GFRAL: variants seen among roughly 807,000 people sequenced by gnomAD.
GFRAL encodes the protein GDNF family receptor alpha like.
A neutral mutation model predicts 45.4 loss-of-function variants in GFRAL; 36 were observed. That is an observed-to-expected ratio of 0.79 (90% CI 0.61 to 1.05). The LOEUF is 1.05. GFRAL is among the 50% of genes least tolerant of loss of function. The pLI, the probability that GFRAL is intolerant of heterozygous loss-of-function variation, is 0.00. For synonymous variants in GFRAL, 166 were observed against 154.1 expected, an observed-to-expected ratio of 1.08 and a Z score of -0.57; for missense variants, 507 against 467.5, an observed-to-expected ratio of 1.08 and a Z score of -0.78.
chr6:55,369,166 C>T (rs140084900), intron 6 of GFRAL, among the ~76,000 whole-genome samples: 27,403 of 149,648 alleles, frequency 0.18, 2,956 homozygotes, highest in African/African-American at 0.29. Flanking sequence ...TTAAGCCCGT[C>T]GGAAAAGCGC....
Position 55,402,232 on chromosome 6 carries a change from G to A in GFRAL, c.*379G>A, listed in dbSNP as rs1398484046. 7 of 159,984 alleles carry A rather than the reference G, an allele frequency of 4.4e-5. No homozygotes were observed. Among genetic ancestry groups the A allele is most frequent in the African/African-American group, 9.8e-5 (4 of 40,636 alleles). 9.9% of individuals were successfully genotyped at this position (159,984 alleles called of 1,614,324 possible). A position where few individuals can be genotyped will look rare whatever the true frequency, so the allele number is the denominator to read the frequency against. ...TGACCTCAGGTGATCCACCCACCTC[G>A]GCCTCCCAAAGTGCTGGGATTACAG... On this transcript the variant is annotated 3_prime_UTR_variant, in exon 9 of 9. Coordinates refer to ENST00000340465, the MANE Select transcript of GFRAL (RefSeq NM_207410.2).
intron 3 of GFRAL, among the ~76,000 whole-genome samples, chr6:55,345,926 T>A (rs532229171): frequency 0.013 from 1,980 of 152,142 alleles, 23 homozygotes; most frequent in Non-Finnish European, 0.022. Context: ...TGCAGCCAAC[T>A]GACACATGAA....
intron 6 of GFRAL, among the ~76,000 whole-genome samples, chr6:55,373,743 T>C (rs1398474377): frequency 6.9e-6 from 1 of 144,428 alleles, no homozygotes; most frequent in Non-Finnish European, 1.5e-5. Flanking sequence ...CTTTGTTTTC[T>C]TCAACTTTTT....
At chr6:55,367,575 G>A (rs1468738724) in intron 6 of GFRAL, among the ~76,000 whole-genome samples, 1 of 151,322 alleles carries the variant, frequency 6.6e-6, no homozygotes, top group Non-Finnish European at 1.5e-5. Flanking sequence ...TGCAGCAGCT[G>A]GTACCGGTTG....
chr6:55,334,715 C>T (rs529621841), intron 3 of GFRAL, among the ~76,000 whole-genome samples: 1 of 152,216 alleles, frequency 6.6e-6, no homozygotes, highest in African/African-American at 2.4e-5. Flanking sequence ...TTCAACCATC[C>T]GTTGTGGGCT....
chr6:55,366,205 T>C (rs185311984), intron 6 of GFRAL, among the ~76,000 whole-genome samples: 16,950 of 151,656 alleles, frequency 0.11, 1,038 homozygotes, highest in African/African-American at 0.16. Flanking sequence ...CCATTTCTTC[T>C]AGATTTTCTA....
intron 6 of GFRAL, among the ~76,000 whole-genome samples, chr6:55,371,048 A>G (rs1489681520): frequency 6.6e-6 from 1 of 152,182 alleles, no homozygotes; most frequent in East Asian, 1.9e-4. Flanking sequence ...TCTATTTTCT[A>G]AAAAGTGATA....
chr6:55,365,876 A>G (rs1056618995), intron 6 of GFRAL, among the ~76,000 whole-genome samples: 2 of 146,872 alleles, frequency 1.4e-5, no homozygotes, highest in Non-Finnish European at 1.5e-5. Flanking sequence ...ATCAATGTTC[A>G]TCAAGGATAT....
intron 6 of GFRAL, among the ~76,000 whole-genome samples, chr6:55,376,066 A>G (rs886101684): frequency 8.3e-4 from 126 of 152,260 alleles, no homozygotes; most frequent in African/African-American, 3.0e-3. Flanking sequence ...TTTTAACATG[A>G]AGCGATGTTG....
chr6:55,355,300 C>T (rs557001671), intron 5 of GFRAL, among the ~76,000 whole-genome samples: 56 of 151,802 alleles, frequency 3.7e-4, no homozygotes, highest in African/African-American at 1.2e-3. Context: ...TCATGCGTAC[C>T]TATGTAATAA....
At chr6:55,331,050 TAG>T (rs1213270902) in intron 1 of GFRAL, among the ~76,000 whole-genome samples, 1 of 152,098 alleles carries the variant, frequency 6.6e-6, no homozygotes, top group Non-Finnish European at 1.5e-5. Flanking sequence ...AACATTCAAG[TAG>T]AGATAACAAT....
chr6:55,401,874 TA>T lies in GFRAL; in HGVS notation c.*22del, dbSNP rs1561870455. On this transcript the variant is annotated 3_prime_UTR_variant, in exon 9 of 9. Transcript: ENST00000340465. ...TCTGATTCATTAGGAGTCATGGACCTATAACAATCACTCTTTTCTCTGCTTT... is the reference window on the plus strand; with the variant it reads ...TCTGATTCATTAGGAGTCATGGACCTTAACAATCACTCTTTTCTCTGCTTT... The T allele has an allele frequency of 7.8e-7, 1 of 1,281,824 alleles. No homozygotes were observed. The highest frequency in any genetic ancestry group is 1.2e-5 in the South Asian group (1 of 83,288). 79.4% of individuals were successfully genotyped at this position (1,281,824 alleles called of 1,614,324 possible). A position where few individuals can be genotyped will look rare whatever the true frequency, so the allele number is the denominator to read the frequency against.
At chr6:55,369,710 T>C (rs1444656059) in intron 6 of GFRAL, among the ~76,000 whole-genome samples, 1 of 151,970 alleles carries the variant, frequency 6.6e-6, no homozygotes. Flanking sequence ...AAAAACAGTT[T>C]GTTTCTGTTA....
In GFRAL at chr6:55,364,678, C is replaced by A. The variant is rs1383696645; in HGVS notation, c.952+5540C>A. On this transcript the variant is annotated intron_variant, in intron 6 of 8. Transcript: ENST00000340465. ...ATATGGCTAGCCAGTTTTCCCAGCACCATTTAATAAATAGGGAATCCTTTC... is the reference window on the plus strand; with the variant it reads ...ATATGGCTAGCCAGTTTTCCCAGCAACATTTAATAAATAGGGAATCCTTTC... Among the ~76,000 whole-genome samples the A allele has an allele frequency of 2.0e-5, 3 of 151,388 alleles. No homozygotes were observed. In the South Asian group the frequency reaches 6.2e-4, roughly 31 times the overall value.
chr6:55,395,558 G>T (rs16886684), intron 6 of GFRAL, among the ~76,000 whole-genome samples: 28,245 of 150,982 alleles, frequency 0.19, 4,266 homozygotes, highest in African/African-American at 0.42. Context: ...TCTTCTAAAT[G>T]TTGCTTTAAT....
At chr6:55,337,073 C>T (rs1314658581) in intron 3 of GFRAL, among the ~76,000 whole-genome samples, 1 of 151,976 alleles carries the variant, frequency 6.6e-6, no homozygotes, top group Non-Finnish European at 1.5e-5. Flanking sequence ...ACTATAGTCT[C>T]CCTACTGTAC....
rs145637841 is a variant in GFRAL, at chr6:55,392,601, G to T, written c.953-6579G>T. On this transcript the variant is annotated intron_variant, in intron 6 of 8. Coordinates refer to ENST00000340465, the MANE Select transcript of GFRAL (RefSeq NM_207410.2). ...AGTGGGATTGATGTTGCATCACATC[G>T]CCCTCTCTAAGCAACAATAAGAATA... is the stretch of plus-strand genomic sequence containing the variant. Among the ~76,000 whole-genome samples the T allele has an allele frequency of 5.9e-5, 9 of 152,224 alleles. No individual in the cohort carries two copies. In the East Asian group the frequency reaches 1.5e-3, roughly 26 times the overall value.
intron 6 of GFRAL, among the ~76,000 whole-genome samples, chr6:55,365,014 G>A (rs369939900): frequency 0.081 from 12,082 of 148,298 alleles, 695 homozygotes; most frequent in Non-Finnish European, 0.13. Context: ...CATTGAATCT[G>A]TAAATTACCT....
chr6:55,385,404 G>A (rs1768666551), intron 6 of GFRAL, among the ~76,000 whole-genome samples: 2 of 152,068 alleles, frequency 1.3e-5, no homozygotes, highest in South Asian at 4.1e-4. Flanking sequence ...TGCTCGAGCT[G>A]CTGAGACCTA....
Sources: gnomAD v4.1 joint callset for allele counts (sites outside exome capture counted in the v4.1 genomes callset) on GRCh38, gnomAD v4.1.1 for gene constraint, MANE v1.5 for transcripts, NCBI Gene and HGNC (gene_info 2026-07-23, HGNC 2026-07-21) for gene names.